Variants in HRH1 observed in about 807,000 individuals in gnomAD.
The protein encoded by HRH1 is histamine H1 receptor.
HRH1 carries 6 observed loss-of-function variants against 10.3 expected under a neutral mutation model. That is an observed-to-expected ratio of 0.58 (90% CI 0.32 to 1.15). The LOEUF (loss-of-function observed/expected upper bound fraction) is 1.15. HRH1 is among the 50% of genes most tolerant of loss of function. The pLI is 0.05. For missense variants in HRH1, 514 were observed against 615.3 expected, an observed-to-expected ratio of 0.84 and a Z score of 1.74; for synonymous variants, 242 against 236.7, an observed-to-expected ratio of 1.02 and a Z score of -0.21.
upstream of HRH1, among the ~76,000 whole-genome samples, chr3:11,152,759 G>T (rs1936669587): frequency 1.3e-5 from 2 of 151,920 alleles, no homozygotes; most frequent in Admixed American, 1.3e-4. Flanking sequence ...CATTAGTCTG[G>T]TAAAGTGTAA....
At chr3:11,218,476 C>T (rs186772345) in intron 1 of HRH1, among the ~76,000 whole-genome samples, 2,344 of 151,338 alleles carry the variant, frequency 0.015, 34 homozygotes, top group Middle Eastern at 0.052. Context: ...AATTAAAAGA[C>T]ACAAGAGTGA....
chr3:11,177,784 G>T (rs1343838310), intron 1 of HRH1, among the ~76,000 whole-genome samples: 1 of 152,230 alleles, frequency 6.6e-6, no homozygotes, highest in Non-Finnish European at 1.5e-5. Context: ...TTGCTAAGTT[G>T]CTCACGGAGC....
At chr3:11,248,865 C>T (rs527704438) in intron 1 of HRH1, among the ~76,000 whole-genome samples, 2 of 152,178 alleles carry the variant, frequency 1.3e-5, no homozygotes, top group Admixed American at 6.5e-5. Flanking sequence ...GCTCATGCCT[C>T]GTTGGTCAGA....
chr3:11,172,305 G>A (rs1937166230), intron 1 of HRH1, among the ~76,000 whole-genome samples: 1 of 152,186 alleles, frequency 6.6e-6, no homozygotes, highest in South Asian at 2.1e-4. Flanking sequence ...GAAAGATGAG[G>A]CCTGGGTCCG....
chr3:11,164,807 G>A (rs528662053), intron 1 of HRH1, among the ~76,000 whole-genome samples: 3 of 152,306 alleles, frequency 2.0e-5, no homozygotes, highest in South Asian at 2.1e-4. Flanking sequence ...AGATGCAGAC[G>A]CAGGAATTTT....
chr3:11,149,666 C>CT (rs1936555668), upstream of HRH1, among the ~76,000 whole-genome samples: 1 of 152,158 alleles, frequency 6.6e-6, no homozygotes. Context: ...AAACCAAATG[C>CT]TAAGAAGCAG....
chr3:11,256,423 C>G (rs1024330745), intron 1 of HRH1, among the ~76,000 whole-genome samples: 1 of 152,138 alleles, frequency 6.6e-6, no homozygotes, highest in African/African-American at 2.4e-5. Context: ...TGGTGTTTTT[C>G]CAACAAAGAC....
chr3:11,207,563 T>C lies in HRH1; in HGVS notation c.-35-51440T>C, dbSNP rs193259001. 9.7e-4 allele frequency among the ~76,000 whole-genome samples: 148 copies of C among 152,230 alleles called. 1 individual carries two copies. Among genetic ancestry groups the C allele is most frequent in the Admixed American group, 9.0e-3 (137 of 15,298 alleles). On this transcript the variant is annotated intron_variant, in intron 1 of 1. Transcript: ENST00000431010. Reference sequence around the variant, plus strand: ...CAGCCTGGGCGACAGAGCGAGACTCTGTCTCAAAAAAACAAAAGAAAGAGG... The same window carrying C: ...CAGCCTGGGCGACAGAGCGAGACTCCGTCTCAAAAAAACAAAAGAAAGAGG...
chr3:11,190,454 G>A (rs1937517068), intron 1 of HRH1, among the ~76,000 whole-genome samples: 1 of 151,856 alleles, frequency 6.6e-6, no homozygotes, highest in African/African-American at 2.4e-5. Context: ...GCAGTGGCGC[G>A]ATCTTGGCTC....
At chr3:11,250,670 G>A (rs1005228932) in intron 1 of HRH1, among the ~76,000 whole-genome samples, 17 of 152,274 alleles carry the variant, frequency 1.1e-4, no homozygotes, top group African/African-American at 3.4e-4. Context: ...CTTTTGTTTC[G>A]AATGTGGGAA....
intron 1 of HRH1, among the ~76,000 whole-genome samples, chr3:11,236,123 C>T (rs757565167): frequency 1.2e-4 from 18 of 152,238 alleles, no homozygotes; most frequent in Admixed American, 1.3e-4. Flanking sequence ...TACCTCTACT[C>T]AATCTTCCTG....
intron 1 of HRH1, among the ~76,000 whole-genome samples, chr3:11,179,221 G>A (rs1022895938): frequency 6.6e-6 from 1 of 152,136 alleles, no homozygotes; most frequent in African/African-American, 2.4e-5. Context: ...CCAGGAGGCA[G>A]AGATTGCAGT....
At chr3:11,202,430 ATAAATAAT>A (rs1376019630) in intron 1 of HRH1, among the ~76,000 whole-genome samples, 15 of 150,140 alleles carry the variant, frequency 1.0e-4, no homozygotes, top group Admixed American at 2.7e-4. Flanking sequence ...AAATAAATAA[ATAAATAAT>A]TAATTAAAAA....
chr3:11,180,049 C>T (rs1001700982), intron 1 of HRH1, among the ~76,000 whole-genome samples: 3 of 152,130 alleles, frequency 2.0e-5, no homozygotes, highest in African/African-American at 7.2e-5. Flanking sequence ...AGGCATGCAC[C>T]ACCACACCCG....
chr3:11,142,033 G>A (rs1270584080), intron 1 of HRH1, among the ~76,000 whole-genome samples: 1 of 152,174 alleles, frequency 6.6e-6, no homozygotes, highest in African/African-American at 2.4e-5. Flanking sequence ...ACTAGATATG[G>A]GTAATGCCCT....
intron 1 of HRH1, among the ~76,000 whole-genome samples, chr3:11,157,605 C>G (rs1301181878): frequency 6.6e-6 from 1 of 152,218 alleles, no homozygotes; most frequent in Non-Finnish European, 1.5e-5. Flanking sequence ...GCTGCTGATG[C>G]TGTCGGAGGG....
chr3:11,195,744 C>T (rs921333341), intron 1 of HRH1, among the ~76,000 whole-genome samples: 1 of 152,206 alleles, frequency 6.6e-6, no homozygotes, highest in Non-Finnish European at 1.5e-5. Context: ...CCAAAGAAAT[C>T]AAGGCAGAGC....
intron 1 of HRH1, among the ~76,000 whole-genome samples, chr3:11,181,989 T>G (rs1456099235): frequency 1.1e-4 from 17 of 151,904 alleles, no homozygotes; most frequent in Non-Finnish European, 2.9e-5. Context: ...AAATTCTTTC[T>G]TTTATGTTTC....
chr3:11,228,485 A>G (rs1403134822), intron 1 of HRH1, among the ~76,000 whole-genome samples: 1 of 152,102 alleles, frequency 6.6e-6, no homozygotes, highest in Non-Finnish European at 1.5e-5. Flanking sequence ...TATTTTTTTT[A>G]AAGCTCTGTT....
Sources: allele counts gnomAD v4.1 joint callset (sites outside exome capture counted in the v4.1 genomes callset), GRCh38; gene constraint gnomAD v4.1.1; transcripts MANE v1.5; gene names NCBI Gene and HGNC (gene_info 2026-07-23, HGNC 2026-07-21).